PMS1: variants seen among roughly 807,000 people sequenced by gnomAD.
PMS1 encodes PMS1 protein homolog 1.
In PMS1, 79 loss-of-function variants were observed where a neutral mutation model predicts 93.1. That is an observed-to-expected ratio of 0.85 (90% confidence interval 0.71 to 1.02). The LOEUF (loss-of-function observed/expected upper bound fraction) is 1.02. Ranked by LOEUF, PMS1 falls within the 50% of genes least tolerant of loss-of-function variation. The probability of loss-of-function intolerance (pLI) is 0.00; values close to 1 mark genes in which losing one functional copy is unlikely to be tolerated. For missense variants in PMS1, 1,064 were observed against 1,085.3 expected, an observed-to-expected ratio of 0.98 and a Z score of 0.28; for synonymous variants, 335 against 363.4, an observed-to-expected ratio of 0.92 and a Z score of 0.89.
chr2:189,785,726 G>A (rs933043134), intron 1 of PMS1, among the ~76,000 whole-genome samples: 2 of 5,516 alleles, frequency 3.6e-4, no homozygotes, highest in African/African-American at 4.0e-4. Flanking sequence ...CAGCAGGGAA[G>A]AAAGGCTTGA....
rs116336058 is a variant in PMS1, at chr2:189,871,665, C to T, written c.2474-1831C>T. Among the ~76,000 whole-genome samples the T allele has an allele frequency of 5.0e-3, 767 of 152,348 alleles. 1 individual carries two copies. Among genetic ancestry groups the T allele is most frequent in the Non-Finnish European group, 8.6e-3 (585 of 68,036 alleles). ...CTGAGCTTTCAAACTCTTCCAGCCT[C>T]TGCTCTTACCCAGCTCCAAAACCAC... is the stretch of plus-strand genomic sequence containing the variant. On this transcript the variant is annotated intron_variant, in intron 11 of 12. Coordinates refer to ENST00000441310, the MANE Select transcript of PMS1 (RefSeq NM_000534.5).
In PMS1 at chr2:189,854,675, A is replaced by C. The variant is rs1199687193; in HGVS notation, c.1403A>C (p.Glu468Ala). The C allele has an allele frequency of 6.2e-7, 1 of 1,613,974 alleles. No homozygotes were observed. Residue 468 changes from glutamate (E) to alanine (A), a missense_variant, in exon 9 of 13, where the codon GAA becomes GCA. Transcript: ENST00000441310. ...AGTTCCGTTAAGCACACCCAGTCAGAAAATGGCAATAAAGACCATATAGAT... is the reference window on the plus strand; with the variant it reads ...AGTTCCGTTAAGCACACCCAGTCAGCAAATGGCAATAAAGACCATATAGAT... ...FISSVKHTQS[E>A]NGNKDHIDES... is the part of the protein sequence containing the mutation.
chr2:189,810,809 A>G (rs2050775557), intron 4 of PMS1, among the ~76,000 whole-genome samples: 1 of 152,186 alleles, frequency 6.6e-6, no homozygotes, highest in Non-Finnish European at 1.5e-5. Flanking sequence ...GGCAGGAAAC[A>G]AAGCACTTTC....
intron 5 of PMS1, among the ~76,000 whole-genome samples, chr2:189,828,606 A>G (rs976066384): frequency 6.6e-6 from 1 of 152,202 alleles, no homozygotes; most frequent in African/African-American, 2.4e-5. Context: ...ACAGTGTCAC[A>G]GTGGTAAAAT....
chr2:189,794,959 G>T (rs1236463888), intron 2 of PMS1, among the ~76,000 whole-genome samples: 2 of 152,076 alleles, frequency 1.3e-5, no homozygotes, highest in Non-Finnish European at 2.9e-5. Flanking sequence ...AAATAGTTAG[G>T]CACTGTGGCA....
At chr2:189,805,616 A>C in intron 3 of PMS1, 36 bp from the exon 4 acceptor site, 1 of 1,491,362 alleles carries the variant, frequency 6.7e-7, no homozygotes, top group Non-Finnish European at 9.4e-7. Context: ...CGCAATATCT[A>C]AAGTGTTAGT....
At chr2:189,794,473 A>G (rs577835174) in intron 2 of PMS1, among the ~76,000 whole-genome samples, 50 of 152,320 alleles carry the variant, frequency 3.3e-4, no homozygotes, top group African/African-American at 1.1e-3. Flanking sequence ...TCTCTCTCCA[A>G]TGTTTTGTAT....
intron 10 of PMS1, among the ~76,000 whole-genome samples, chr2:189,867,025 C>T (rs2056721947): frequency 1.3e-5 from 2 of 152,210 alleles, no homozygotes; most frequent in South Asian, 4.1e-4. Flanking sequence ...TTCAACCATT[C>T]AGAGCTGATA....
At chr2:189,786,354 T>C (rs2048347736) in intron 1 of PMS1, among the ~76,000 whole-genome samples, 1 of 152,070 alleles carries the variant, frequency 6.6e-6, no homozygotes, top group Admixed American at 6.5e-5. Context: ...AAATATCAAT[T>C]AGGTGGTTAT....
At chr2:189,786,618 A>G (rs2048369855) in intron 1 of PMS1, among the ~76,000 whole-genome samples, 1 of 152,240 alleles carries the variant, frequency 6.6e-6, no homozygotes, top group South Asian at 2.1e-4. Context: ...ATCTTGAGCA[A>G]GTTACCATGC....
Position 189,863,969 on chromosome 2 carries a change from A to C in PMS1, c.2083A>C (p.Lys695Gln). The C allele has an allele frequency of 6.2e-7, 1 of 1,608,386 alleles. No individual in the cohort carries two copies. Among genetic ancestry groups the C allele is most frequent in the South Asian group, 1.1e-5 (1 of 90,284 alleles). Residue 695 changes from lysine (K) to glutamine (Q), a missense_variant, in exon 10 of 13, where the codon AAA becomes CAA. Coordinates refer to ENST00000441310, the MANE Select transcript of PMS1 (RefSeq NM_000534.5). ...TGAAAAAAGAAGGAGTCAAAATATT[A>C]AAATGGTACAGATCCCCTTTTCTAT... ...QIEKRRSQNI[K>Q]MVQIPFSMKN...
At chr2:189,821,167 G>A (rs1163171325) in intron 5 of PMS1, among the ~76,000 whole-genome samples, 2 of 152,120 alleles carry the variant, frequency 1.3e-5, no homozygotes, top group East Asian at 3.8e-4. Flanking sequence ...ATTTGTAAAA[G>A]AAAAGTGGGC....
chr2:189,860,800 ATTTTTTTTTTTTTTTTTTT>A lies in PMS1; in HGVS notation c.1857-2922_1857-2904del, dbSNP rs1158514130. ...CTAAAATCTTCTATATCTTTGAGGA[ATTTTTTTTTTTTTTTTTTT>A]TTTTTTTTTTTTTTTTTTTTGAGGA... On this transcript the variant is annotated intron_variant, in intron 9 of 12. Coordinates refer to ENST00000441310, the MANE Select transcript of PMS1 (RefSeq NM_000534.5). Among the ~76,000 whole-genome samples the A allele has an allele frequency of 8.8e-4, 36 of 41,026 alleles. 1 individual carries two copies. The highest frequency in any genetic ancestry group is 1.7e-3 in the African/African-American group (20 of 11,692). The allele number at this position is 41,026 out of a possible 152,430, so 26.9% of individuals were successfully genotyped here. A position where few individuals can be genotyped will look rare whatever the true frequency, so the allele number is the denominator to read the frequency against.
chr2:189,854,449 G>C lies in PMS1; in HGVS notation c.1177G>C (p.Asp393His). 6.2e-7 allele frequency: 1 copy of C among 1,611,566 alleles called. No homozygotes were observed. The highest frequency in any genetic ancestry group is 1.3e-5 in the African/African-American group (1 of 74,976). Residue 393 changes from aspartate to histidine, a missense_variant, in exon 9 of 13, where the codon GAT becomes CAT. Coordinates refer to ENST00000441310, the MANE Select transcript of PMS1 (RefSeq NM_000534.5). ...VDTSVIPFQN[D>H]MHNDESGKNT... is the part of the protein sequence containing the mutation. ...TACTTCAGTCATTCCATTCCAAAATGATATGCATAATGATGAATCTGGAAA... is the reference window on the plus strand; with the variant it reads ...TACTTCAGTCATTCCATTCCAAAATCATATGCATAATGATGAATCTGGAAA...
intron 1 of PMS1, among the ~76,000 whole-genome samples, chr2:189,787,841 T>C (rs780269867): frequency 1.3e-5 from 2 of 152,180 alleles, no homozygotes; most frequent in Non-Finnish European, 2.9e-5. Flanking sequence ...CATATGCTTA[T>C]GAATTTGGTA....
At chr2:189,792,628 CT>C (rs1256297083) in intron 2 of PMS1, among the ~76,000 whole-genome samples, 2 of 146,638 alleles carry the variant, frequency 1.4e-5, no homozygotes, top group South Asian at 4.2e-4. Context: ...AGGGACCTAA[CT>C]TTTTCTTATC....
At chr2:189,796,835 A>G (rs935401169) in intron 3 of PMS1, among the ~76,000 whole-genome samples, 6 of 151,954 alleles carry the variant, frequency 3.9e-5, no homozygotes, top group African/African-American at 1.5e-4. Flanking sequence ...TTCTGTGAAC[A>G]TTGGTGTACA....
chr2:189,860,987 G>A (rs2055926269), intron 9 of PMS1, among the ~76,000 whole-genome samples: 1 of 151,418 alleles, frequency 6.6e-6, no homozygotes, highest in Admixed American at 6.6e-5. Flanking sequence ...TGTAGACAAA[G>A]TTCGTTGTTA....
rs2106233684 is a variant in PMS1, at chr2:189,795,897, G to C, written c.261G>C (p.Leu87Phe). Residue 87 changes from leucine to phenylalanine, a missense_variant, in exon 3 of 13, where the codon TTG (leucine) becomes TTC (phenylalanine). Transcript: ENST00000441310. Reference protein sequence around the residue: ...KINSHEDLENLTTYGFRGEAL... With the variant: ...KINSHEDLENFTTYGFRGEAL... ...ATAGTCATGAAGATCTTGAAAATTT[G>C]ACAACTTACGGTTTTCGTGGAGAAG... 1 of 1,613,700 alleles carries C rather than the reference G, an allele frequency of 6.2e-7. No individual in the cohort carries two copies. Among genetic ancestry groups the C allele is most frequent in the East Asian group, 2.2e-5 (1 of 44,864 alleles).
Sources: gnomAD v4.1 joint callset for allele counts (sites outside exome capture counted in the v4.1 genomes callset) on GRCh38, gnomAD v4.1.1 for gene constraint, MANE v1.5 for transcripts, NCBI Gene and HGNC (gene_info 2026-07-23, HGNC 2026-07-21) for gene names.